LHPP: variants seen among roughly 807,000 people sequenced by gnomAD.
LHPP encodes phospholysine phosphohistidine inorganic pyrophosphate phosphatase, also known as hLHPP.
A neutral mutation model predicts 30.3 loss-of-function variants in LHPP; 24 were observed. The observed-to-expected ratio is 0.79, with a 90% confidence interval of 0.57 to 1.11. LHPP has a LOEUF of 1.11. Ranked by LOEUF, LHPP falls within the 50% of genes most tolerant of loss-of-function variation. The pLI is 0.00. For synonymous variants in LHPP, 150 were observed against 157.1 expected, an observed-to-expected ratio of 0.95 and a Z score of 0.34; for missense variants, 356 against 367.2, an observed-to-expected ratio of 0.97 and a Z score of 0.25.
intron 6 of LHPP, among the ~76,000 whole-genome samples, chr10:124,595,211 G>C (rs1315867229): frequency 1.3e-5 from 2 of 152,174 alleles, no homozygotes; most frequent in African/African-American, 4.8e-5. Flanking sequence ...GTGAACACTG[G>C]AGAGGGATCA....
Position 124,598,513 on chromosome 10 carries a change from G to A in LHPP, c.717-14751G>A, listed in dbSNP as rs139852967. 6.0e-3 allele frequency among the ~76,000 whole-genome samples: 906 copies of A among 152,260 alleles called. 9 individuals are homozygous for A. Among genetic ancestry groups the A allele is most frequent in the African/African-American group, 0.02 (842 of 41,536 alleles). On this transcript the variant is annotated intron_variant, in intron 6 of 6. Transcript: ENST00000368842. ...AGCCCCCCTGAGGTGCTTGGGCATC[G>A]GACCTGCCCACCATCTCCTGAGGTG...
chr10:124,560,373 TTGTG>T (rs1948376288), intron 6 of LHPP, among the ~76,000 whole-genome samples: 3 of 152,210 alleles, frequency 2.0e-5, no homozygotes, highest in Non-Finnish European at 4.4e-5. Context: ...ATAATTGAGA[TTGTG>T]TTTTATGTAC....
At chr10:124,606,861 T>C (rs575900617) in intron 6 of LHPP, among the ~76,000 whole-genome samples, 1 of 152,208 alleles carries the variant, frequency 6.6e-6, no homozygotes, top group Non-Finnish European at 1.5e-5. Context: ...GCCCCAGCCC[T>C]TCCCTGCCTG....
Position 124,541,471 on chromosome 10 carries a change from A to T in LHPP, c.716+24200A>T, listed in dbSNP as rs371579604. 7.6e-4 allele frequency among the ~76,000 whole-genome samples: 115 copies of T among 152,144 alleles called. 1 individual carries two copies. In the East Asian group the frequency reaches 0.02, roughly 26 times the overall value. ...AAGAGCCAGCCTCTGCTAGCCCCAG[A>T]CCTAACGGAGTTGCGGCTCATGGCC... On this transcript the variant is annotated intron_variant, in intron 6 of 6. Transcript: ENST00000368842. The surrounding 1 kb of genome is among the most constrained non-coding windows in gnomAD (Gnocchi z 4.2).
chr10:124,497,953 C>T, intron 4 of LHPP, 83 bp from the exon 5 acceptor site: 1 of 1,101,844 alleles, frequency 9.1e-7, no homozygotes, highest in Non-Finnish European at 1.4e-6. Flanking sequence ...CTTGGGGGCA[C>T]ATTTGGGACA....
At chr10:124,462,343 T>C (rs1469088808) in intron 1 of LHPP, among the ~76,000 whole-genome samples, 2 of 152,112 alleles carry the variant, frequency 1.3e-5, no homozygotes, top group Non-Finnish European at 1.5e-5. Context: ...TCTGTGATTC[T>C]AGCACTTGCA....
chr10:124,533,688 G>A (rs67763369), intron 6 of LHPP, among the ~76,000 whole-genome samples: 17,595 of 152,276 alleles, frequency 0.12, 1,398 homozygotes, highest in Non-Finnish European at 0.16. Flanking sequence ...CAGGTGGCCC[G>A]CTTCTGCCAC....
chr10:124,505,433 G>A lies in LHPP; in HGVS notation c.624+7305G>A, dbSNP rs544597330. ...TTTCCCTTGATCACTGCTGCTTCCC[G>A]AGACCCTGACCTGCTTCTTGCTGCT... On this transcript the variant is annotated intron_variant, in intron 5 of 6. Transcript: ENST00000368842. Among the ~76,000 whole-genome samples the A allele has an allele frequency of 9.9e-5, 15 of 152,100 alleles. No homozygotes were observed. The East Asian group carries it at 2.5e-3, about 25-fold the overall frequency.
At chr10:124,526,370 AT>A in intron 6 of LHPP, 1 of 310,836 alleles carries the variant, frequency 3.2e-6, no homozygotes, top group Non-Finnish European at 4.7e-6. Context: ...TACCCCTACC[AT>A]TTAGATTTGC....
rs919260080 is a variant in LHPP, at chr10:124,478,190, C to T, written c.126-5949C>T. Reference sequence around the variant, plus strand: ...AGAGCAGCACCAAGGGCTGTGTGGGCGCAGCTCGGAGGATGGGATCTGGCT... The same window carrying T: ...AGAGCAGCACCAAGGGCTGTGTGGGTGCAGCTCGGAGGATGGGATCTGGCT... On this transcript the variant is annotated intron_variant, in intron 1 of 6. Coordinates refer to ENST00000368842, the MANE Select transcript of LHPP (RefSeq NM_022126.4). The surrounding 1 kb of genome is among the most constrained non-coding windows in gnomAD (Gnocchi z 4.7). Among the ~76,000 whole-genome samples, 9 of 152,152 alleles carry T rather than the reference C, an allele frequency of 5.9e-5. No homozygotes were observed. The highest frequency in any genetic ancestry group is 7.2e-5 in the African/African-American group (3 of 41,426).
chr10:124,527,737 G>C (rs73367811), intron 6 of LHPP, among the ~76,000 whole-genome samples: 5,441 of 152,116 alleles, frequency 0.036, 350 homozygotes, highest in African/African-American at 0.12. Context: ...CCTGCCGCGT[G>C]CTAACCATGT....
intron 6 of LHPP, among the ~76,000 whole-genome samples, chr10:124,533,542 C>T (rs527960040): frequency 2.4e-4 from 37 of 152,298 alleles, no homozygotes; most frequent in Non-Finnish European, 4.3e-4. Context: ...GAAGGATAGG[C>T]GCTTGATTGG....
Position 124,484,293 on chromosome 10 carries a change from C to T in LHPP, c.280C>T (p.Gln94Ter), listed in dbSNP as rs1317056250. Residue 94 changes from glutamine (Q) to a stop codon, truncating the protein, a stop_gained, in exon 2 of 7, where the codon CAA becomes TAA. Transcript: ENST00000368842. LOFTEE classifies it high-confidence loss of function. ...APAACQILKEQGLRPYLLIHD... is the reference protein window; with the variant it reads ...APAACQILKE ...AGCTGCCTGCCAGATCCTGAAGGAG[C>T]AAGGCCTGCGACCATACCTGCTCAT... is the stretch of plus-strand genomic sequence containing the variant. 7.4e-6 allele frequency: 12 copies of T among 1,613,796 alleles called. No homozygotes were observed. The highest frequency in any genetic ancestry group is 1.1e-5 in the South Asian group (1 of 91,072).
intron 6 of LHPP, among the ~76,000 whole-genome samples, chr10:124,521,520 C>T (rs1954611560): frequency 6.6e-6 from 1 of 152,212 alleles, no homozygotes; most frequent in Non-Finnish European, 1.5e-5. Flanking sequence ...CTGGATGGGT[C>T]AGCTGGGCAT....
At chr10:124,509,181 C>A (rs1954239379) in intron 5 of LHPP, among the ~76,000 whole-genome samples, 1 of 152,188 alleles carries the variant, frequency 6.6e-6, no homozygotes, top group African/African-American at 2.4e-5. Context: ...AGTTCCATCC[C>A]TGTAGCTGCA....
At chr10:124,584,221 T>G (rs559226273) in intron 6 of LHPP, among the ~76,000 whole-genome samples, 2 of 148,234 alleles carry the variant, frequency 1.3e-5, no homozygotes, top group African/African-American at 5.0e-5. Flanking sequence ...AAAAAAAAAT[T>G]AGGCATGGTG....
intron 6 of LHPP, among the ~76,000 whole-genome samples, chr10:124,570,021 C>T (rs1037286742): frequency 2.0e-5 from 3 of 147,968 alleles, no homozygotes; most frequent in African/African-American, 7.5e-5. Context: ...CCGGCCACTT[C>T]CTCTTTTGCC....
At chr10:124,606,749 G>A (rs181576410) in intron 6 of LHPP, among the ~76,000 whole-genome samples, 1 of 152,168 alleles carries the variant, frequency 6.6e-6, no homozygotes, top group Non-Finnish European at 1.5e-5. Context: ...GAGGAGCAGC[G>A]CTGTGACCCC....
chr10:124,554,797 G>T (rs979014000), intron 6 of LHPP, among the ~76,000 whole-genome samples: 4 of 152,226 alleles, frequency 2.6e-5, no homozygotes, highest in Non-Finnish European at 4.4e-5. Context: ...GGGCCTTAGG[G>T]CCTTTCCAAA....
Sources: gnomAD v4.1 joint callset for allele counts (sites outside exome capture counted in the v4.1 genomes callset) on GRCh38, gnomAD v4.1.1 for gene constraint, Gnocchi (gnomAD v3.1) non-coding constraint, MANE v1.5 for transcripts, NCBI Gene and HGNC (gene_info 2026-07-23, HGNC 2026-07-21) for gene names.